TNRC6B: variants seen among roughly 807,000 people sequenced by gnomAD.
TNRC6B encodes trinucleotide repeat-containing gene 6B protein.
A neutral mutation model predicts 203.6 loss-of-function variants in TNRC6B; 52 were observed. That is an observed-to-expected ratio of 0.26 (90% CI 0.20 to 0.32). TNRC6B has a LOEUF of 0.32. TNRC6B is among the 10% of genes least tolerant of loss of function. TNRC6B has a pLI of 1.00. For missense variants in TNRC6B, 1,923 were observed against 2,286.2 expected (o/e 0.84, Z 3.24); for synonymous variants, 838 against 845.7 (o/e 0.99, Z 0.16).
At chr22:40,202,265 T>C (rs1316151255) in intron 1 of TNRC6B, among the ~76,000 whole-genome samples, 1 of 151,668 alleles carries the variant, frequency 6.6e-6, no homozygotes, top group Non-Finnish European at 1.5e-5. Flanking sequence ...TTTTTGTTTT[T>C]TTTTTTTTTG....
At chr22:40,133,061 T>G (rs934910967) in intron 3 of TNRC6B, among the ~76,000 whole-genome samples, 3 of 149,440 alleles carry the variant, frequency 2.0e-5, no homozygotes, top group African/African-American at 7.3e-5. Context: ...GAAATTCATG[T>G]GACCTATTTT....
chr22:40,243,318 A>G (rs1056613352), intron 1 of TNRC6B, among the ~76,000 whole-genome samples: 1 of 152,228 alleles, frequency 6.6e-6, no homozygotes, highest in Non-Finnish European at 1.5e-5. Context: ...CAGATTTGGC[A>G]AAGTAGATTC....
chr22:40,295,769 G>A (rs747890897), intron 12 of TNRC6B, among the ~76,000 whole-genome samples: 18 of 152,170 alleles, frequency 1.2e-4, no homozygotes, highest in Non-Finnish European at 2.2e-4. Flanking sequence ...TTTAGAGTTT[G>A]GTTTGATGCA....
chr22:40,121,815 G>A (rs944843637), intron 2 of TNRC6B, among the ~76,000 whole-genome samples: 1 of 152,204 alleles, frequency 6.6e-6, no homozygotes, highest in Non-Finnish European at 1.5e-5. Context: ...AGCCACTTAC[G>A]TGAAGACAAA....
chr22:40,070,803 A>G, intron 1 of TNRC6B, among the ~76,000 whole-genome samples: 1 of 151,902 alleles, frequency 6.6e-6, no homozygotes, highest in Admixed American at 6.6e-5. Context: ...AACTAATAAG[A>G]TGCACTTACC....
intron 6 of TNRC6B, 100 bp downstream of exon 6, chr22:40,270,380 T>C: frequency 8.4e-7 from 1 of 1,189,198 alleles, no homozygotes; most frequent in South Asian, 2.9e-5. Flanking sequence ...AGTGCAGTGG[T>C]GCAATTTCGG....
chr22:40,283,696 A>G (rs887248225), intron 11 of TNRC6B, among the ~76,000 whole-genome samples: 12 of 152,150 alleles, frequency 7.9e-5, no homozygotes, highest in African/African-American at 2.9e-4. Flanking sequence ...GTGTGGCTGT[A>G]GGGTCACTTG....
chr22:40,297,474 A>G (rs930169635), intron 12 of TNRC6B, among the ~76,000 whole-genome samples: 5 of 152,220 alleles, frequency 3.3e-5, no homozygotes, highest in Non-Finnish European at 2.9e-5. Context: ...AGCATCTTCT[A>G]TATGCCATGC....
rs370667895 is a variant in TNRC6B, at chr22:40,279,980, T to A, written c.3263-15T>A. ...TGATTCTGGAAATTTTCACTCTGTGTATGCTACTTTTCAGGAAGCCTTTCA... is the reference window on the plus strand; with the variant it reads ...TGATTCTGGAAATTTTCACTCTGTGAATGCTACTTTTCAGGAAGCCTTTCA... On this transcript the variant is annotated splice_polypyrimidine_tract_variant and intron_variant, in intron 9 of 22. Transcript: ENST00000454349. The A allele has an allele frequency of 1.9e-6, 3 of 1,613,522 alleles. No homozygotes were observed. Among genetic ancestry groups the A allele is most frequent in the Non-Finnish European group, 2.5e-6 (3 of 1,179,668 alleles).
At chr22:40,066,441 G>T (rs981236279) in intron 1 of TNRC6B, among the ~76,000 whole-genome samples, 2 of 152,084 alleles carry the variant, frequency 1.3e-5, no homozygotes, top group Non-Finnish European at 2.9e-5. Flanking sequence ...ATTTCCGTAG[G>T]GGGAATATCT....
rs556650703 is a variant in TNRC6B at position 40,148,533 on chromosome 22, T to C, written c.46-7582T>C. 7.2e-5 allele frequency among the ~76,000 whole-genome samples: 11 copies of C among 152,246 alleles called. No individual in the cohort carries two copies. In the South Asian group the frequency reaches 2.3e-3, roughly 32 times the overall value. On this transcript the variant is annotated intron_variant, in intron 3 of 23. Transcript: ENST00000301923. The stretch of plus-strand genomic sequence containing the variant: ...TCTTGACCTTGTGATCTGCCCGCCT[T>C]GCCCCCCACAAAGTGCTGAGATTAC...
intron 1 of TNRC6B, among the ~76,000 whole-genome samples, chr22:40,066,358 G>A (rs1030458491): frequency 1.3e-5 from 2 of 152,100 alleles, no homozygotes. Context: ...TTCTGGAAGC[G>A]GAAGTCTTGC....
intron 7 of TNRC6B, 22 bp from the exon 8 acceptor site, chr22:40,277,055 G>A (rs1275323061): frequency 2.5e-5 from 39 of 1,559,384 alleles, no homozygotes; most frequent in Non-Finnish European, 3.2e-5. Context: ...TGGTTCTGAG[G>A]TTCCGTGTTT....
intron 1 of TNRC6B, among the ~76,000 whole-genome samples, chr22:40,243,111 C>T (rs1445938783): frequency 1.3e-5 from 2 of 152,040 alleles, no homozygotes; most frequent in Non-Finnish European, 1.5e-5. Context: ...CCTCGCAATC[C>T]ACCCGTCTCG....
At chr22:40,249,188 C>G (rs1249980052) in intron 2 of TNRC6B, among the ~76,000 whole-genome samples, 2 of 152,184 alleles carry the variant, frequency 1.3e-5, no homozygotes, top group Non-Finnish European at 2.9e-5. Flanking sequence ...GTTAGACTGA[C>G]TGTAAGTTTC....
At chr22:40,132,442 C>T (rs1370608663) in intron 3 of TNRC6B, among the ~76,000 whole-genome samples, 6 of 151,460 alleles carry the variant, frequency 4.0e-5, no homozygotes, top group African/African-American at 4.9e-5. Context: ...GATCACACCA[C>T]GGCACTCCAG....
chr22:40,141,734 C>G (rs915106779), intron 3 of TNRC6B, among the ~76,000 whole-genome samples: 1 of 151,832 alleles, frequency 6.6e-6, no homozygotes, highest in Non-Finnish European at 1.5e-5. Context: ...AATAGAGATC[C>G]CAGGTCCCAG....
intron 4 of TNRC6B, chr22:40,156,236 T>A (rs1276399384): frequency 2.0e-6 from 3 of 1,504,588 alleles, no homozygotes; most frequent in Admixed American, 3.9e-5. Context: ...GGAAACACTT[T>A]GGTTCAACAT....
intron 1 of TNRC6B, among the ~76,000 whole-genome samples, chr22:40,236,166 A>G (rs952755186): frequency 4.6e-5 from 7 of 152,112 alleles, no homozygotes; most frequent in African/African-American, 9.7e-5. Flanking sequence ...GTTCTATACA[A>G]TTTTATCACA....
Sources: allele counts gnomAD v4.1 joint callset (sites outside exome capture counted in the v4.1 genomes callset), GRCh38; gene constraint gnomAD v4.1.1; transcripts MANE v1.5; gene names NCBI Gene and HGNC (gene_info 2026-07-23, HGNC 2026-07-21).